The following DENND1A variants were observed in gnomAD, a reference collection of about 807,000 sequenced individuals.
The protein encoded by DENND1A is DENN domain-containing protein 1A.
Under a neutral mutation model 113.7 loss-of-function variants are expected in DENND1A, and 51 were observed. That is an observed-to-expected ratio of 0.45 (90% CI 0.36 to 0.57). DENND1A has a LOEUF of 0.57. Ranked by LOEUF, DENND1A falls within the 20% of genes least tolerant of loss-of-function variation. The probability of loss-of-function intolerance (pLI) is 0.00; values close to 1 mark genes in which losing one functional copy is unlikely to be tolerated. For synonymous variants in DENND1A, 565 were observed against 570.8 expected (o/e 0.99, Z 0.14); for missense variants, 1,258 against 1,395.9 (o/e 0.90, Z 1.57).
intron 13 of DENND1A, among the ~76,000 whole-genome samples, chr9:123,523,914 C>A (rs2054595547): frequency 6.6e-6 from 1 of 152,178 alleles, no homozygotes; most frequent in African/African-American, 2.4e-5. Flanking sequence ...GGCAGAGGAC[C>A]TGAAACTCCC....
intron 2 of DENND1A, among the ~76,000 whole-genome samples, chr9:123,795,303 T>C (rs956418464): frequency 6.6e-6 from 1 of 152,260 alleles, no homozygotes; most frequent in Non-Finnish European, 1.5e-5. Context: ...AATAATTTAT[T>C]TGAATTTTCT....
At chr9:123,385,602 TG>T (rs1308665731) in intron 22 of DENND1A, among the ~76,000 whole-genome samples, 1 of 151,876 alleles carries the variant, frequency 6.6e-6, no homozygotes, top group Non-Finnish European at 1.5e-5. Context: ...GGCACCAGGG[TG>T]GGGGACATGG....
intron 2 of DENND1A, among the ~76,000 whole-genome samples, chr9:123,805,696 A>G (rs529197292): frequency 2.0e-5 from 3 of 152,174 alleles, no homozygotes; most frequent in African/African-American, 7.2e-5. Flanking sequence ...GACCTCCGAA[A>G]GCACTGGGAT....
rs1363454749 is a variant in DENND1A at position 123,930,110 on chromosome 9, T to A, written c.-205A>T. 2.1e-5 allele frequency: 4 copies of A among 188,648 alleles called. No homozygotes were observed. The highest frequency in any genetic ancestry group is 1.7e-4 in the South Asian group (1 of 5,834). The allele number at this position is 188,648 out of a possible 1,614,324, so 11.7% of individuals were successfully genotyped here. A position where few individuals can be genotyped will look rare whatever the true frequency, so the allele number is the denominator to read the frequency against. ...ACTCGCTCCAGCCCGGCGAACGCCATGGTCGCCGGCGCGCGTGCCCGGCGC... is the reference window on the plus strand; with the variant it reads ...ACTCGCTCCAGCCCGGCGAACGCCAAGGTCGCCGGCGCGCGTGCCCGGCGC... On this transcript the variant is annotated 5_prime_UTR_variant, in exon 1 of 24. The change abolishes an upstream ATG in the 5' untranslated region. Transcript: ENST00000394215.
chr9:123,662,153 C>T (rs1036803722), intron 8 of DENND1A, among the ~76,000 whole-genome samples: 1 of 152,130 alleles, frequency 6.6e-6, no homozygotes, highest in Non-Finnish European at 1.5e-5. Context: ...TCACAGGAAT[C>T]GGAATGGCTG....
At chr9:123,696,990 C>T (rs943475776) in intron 5 of DENND1A, among the ~76,000 whole-genome samples, 1 of 152,170 alleles carries the variant, frequency 6.6e-6, no homozygotes, top group South Asian at 2.1e-4. Flanking sequence ...TTACAAAATA[C>T]CTGCCACTGT....
At chr9:123,429,500 A>C (rs1281700582) in intron 19 of DENND1A, among the ~76,000 whole-genome samples, 1 of 152,214 alleles carries the variant, frequency 6.6e-6, no homozygotes, top group Non-Finnish European at 1.5e-5. Flanking sequence ...GGTTGCAGTG[A>C]GCCGAGATTG....
At chr9:123,475,534 C>T (rs1319177261) in intron 13 of DENND1A, among the ~76,000 whole-genome samples, 1 of 152,214 alleles carries the variant, frequency 6.6e-6, no homozygotes. Context: ...AAAGTGTGGA[C>T]ACCCACTGAA....
At chr9:123,695,582 G>C (rs569015261) in intron 5 of DENND1A, among the ~76,000 whole-genome samples, 1 of 152,226 alleles carries the variant, frequency 6.6e-6, no homozygotes, top group South Asian at 2.1e-4. Flanking sequence ...CTGACTGTGA[G>C]GTCCTTTGCT....
intron 11 of DENND1A, 107 bp downstream of exon 11, chr9:123,609,329 T>C (rs1228490999): frequency 1.6e-6 from 2 of 1,225,872 alleles, no homozygotes; most frequent in Non-Finnish European, 2.3e-6. Flanking sequence ...TGCTTCAGCA[T>C]GCTCCCACGT....
intron 13 of DENND1A, among the ~76,000 whole-genome samples, chr9:123,486,895 C>G (rs1381217270): frequency 1.3e-5 from 2 of 152,206 alleles, no homozygotes; most frequent in Non-Finnish European, 2.9e-5. Context: ...TGCCCAGCCA[C>G]AGGGGTGGGC....
chr9:123,500,915 C>T (rs776805406), intron 13 of DENND1A, among the ~76,000 whole-genome samples: 1 of 152,098 alleles, frequency 6.6e-6, no homozygotes. Context: ...CTTTTTTGTC[C>T]AATTTTTAAA....
chr9:123,676,593 G>T, intron 6 of DENND1A, 127 bp downstream of exon 6: 2 of 806,732 alleles, frequency 2.5e-6, no homozygotes, highest in Non-Finnish European at 3.8e-6. Context: ...ATTATTTTCT[G>T]AATTTCCCAA....
intron 8 of DENND1A, among the ~76,000 whole-genome samples, chr9:123,664,242 A>T (rs1225594790): frequency 6.6e-6 from 1 of 152,206 alleles, no homozygotes; most frequent in Non-Finnish European, 1.5e-5. Flanking sequence ...TTTTTGAAGG[A>T]TGGAGATTGA....
chr9:123,415,755 G>A (rs2044673708), intron 19 of DENND1A, among the ~76,000 whole-genome samples: 1 of 152,192 alleles, frequency 6.6e-6, no homozygotes, highest in Non-Finnish European at 1.5e-5. Flanking sequence ...GCAGGGATGC[G>A]GGGCATCTGA....
intron 13 of DENND1A, among the ~76,000 whole-genome samples, chr9:123,460,670 A>C (rs2048456704): frequency 6.6e-6 from 1 of 152,196 alleles, no homozygotes; most frequent in African/African-American, 2.4e-5. Context: ...CCGGCTCTCC[A>C]TCTACGCCTA....
chr9:123,391,953 G>A (rs762255160), intron 21 of DENND1A, among the ~76,000 whole-genome samples: 19 of 152,106 alleles, frequency 1.2e-4, no homozygotes, highest in African/African-American at 3.4e-4. Context: ...CTGGCCGTCC[G>A]TCATGGATCA....
At chr9:123,510,849 G>C (rs747005899) in intron 13 of DENND1A, among the ~76,000 whole-genome samples, 5 of 152,212 alleles carry the variant, frequency 3.3e-5, no homozygotes, top group Non-Finnish European at 7.3e-5. Context: ...AAGATGGAAA[G>C]GTTGCTTCAG....
intron 1 of DENND1A, among the ~76,000 whole-genome samples, chr9:123,896,667 G>A (rs1850805715): frequency 6.6e-6 from 1 of 152,022 alleles, no homozygotes; most frequent in African/African-American, 2.4e-5. Flanking sequence ...TAAACAGTAA[G>A]AAACTATGAC....
Sources: gnomAD v4.1 joint callset for allele counts (sites outside exome capture counted in the v4.1 genomes callset) on GRCh38, gnomAD v4.1.1 for gene constraint, MANE v1.5 for transcripts, NCBI Gene and HGNC (gene_info 2026-07-23, HGNC 2026-07-21) for gene names.